The following PCDHA1 variants were observed in gnomAD, a reference collection of about 807,000 sequenced individuals.
PCDHA1 encodes the protein protocadherin alpha 1, also known as protocadherin alpha-1.
Under a neutral mutation model 61.3 loss-of-function variants are expected in PCDHA1, and 42 were observed. That is an observed-to-expected ratio of 0.69 (90% CI 0.54 to 0.89). PCDHA1 has a LOEUF of 0.89. Ranked by LOEUF, PCDHA1 falls within the 40% of genes least tolerant of loss-of-function variation. The probability of loss-of-function intolerance (pLI) is 0.00; values close to 1 mark genes in which losing one functional copy is unlikely to be tolerated. For synonymous variants in PCDHA1, 610 were observed against 553.8 expected, an observed-to-expected ratio of 1.10 and a Z score of -1.43; for missense variants, 1,256 against 1,235.3, an observed-to-expected ratio of 1.02 and a Z score of -0.25.
chr5:140,922,527 C>T (rs1436336713), intron 1 of PCDHA1, among the ~76,000 whole-genome samples: 2 of 152,130 alleles, frequency 1.3e-5, no homozygotes, highest in East Asian at 3.9e-4. Flanking sequence ...AAGATTGAAC[C>T]TAAGGATGTG....
rs1440193758 is a variant in PCDHA1 at position 140,844,281 on chromosome 5, T to C, written c.2394+55597T>C. ...AGTGATAAAATACAGAATGATAGTG[T>C]TTTTCAAAATTTGATAGTTTTCATA... On this transcript the variant is annotated intron_variant, in intron 1 of 3. Coordinates refer to ENST00000504120, the MANE Select transcript of PCDHA1 (RefSeq NM_018900.4). Among the ~76,000 whole-genome samples the C allele has an allele frequency of 1.3e-5, 2 of 149,114 alleles. 1 individual carries two copies. Among genetic ancestry groups the C allele is most frequent in the Non-Finnish European group, 3.0e-5 (2 of 66,432 alleles).
chr5:140,836,713 C>T, intron 1 of PCDHA1: 2 of 1,613,054 alleles, frequency 1.2e-6, no homozygotes, highest in Non-Finnish European at 1.7e-6. Flanking sequence ...CCCAGCCTTC[C>T]TCAGGGTCCA....
At position 140,896,169 on chromosome 5, in the gene PCDHA1, GT is replaced by G. The variant is rs1473218621; in HGVS notation, c.2395-82779del. Among the ~76,000 whole-genome samples, 40 of 152,274 alleles carry G rather than the reference GT, an allele frequency of 2.6e-4. 1 individual carries two copies. The East Asian group carries it at 5.2e-3, about 20-fold the overall frequency. ...TGATGGGCATTTAGGATTATTCTCT[GT>G]CTTTGCTATTGTGAATAGTGCCATG... is the stretch of plus-strand genomic sequence containing the variant. On this transcript the variant is annotated intron_variant, in intron 1 of 3. Transcript: ENST00000504120.
At chr5:140,866,711 G>A (rs1554160494) in intron 1 of PCDHA1, 1 of 152,110 alleles carries the variant, frequency 6.6e-6, no homozygotes, top group African/African-American at 2.4e-5. Flanking sequence ...ACGTGCACTA[G>A]TAAGACATTA....
chr5:140,821,080 G>A (rs1397994705), intron 1 of PCDHA1, among the ~76,000 whole-genome samples: 1 of 151,866 alleles, frequency 6.6e-6, no homozygotes, highest in South Asian at 2.1e-4. Context: ...AGTTGTTTTT[G>A]AAAATAACAT....
intron 1 of PCDHA1, chr5:140,860,192 C>CATATATAT (rs143984774): frequency 6.9e-4 from 101 of 146,860 alleles, no homozygotes; most frequent in African/African-American, 2.5e-3. Context: ...GCTCTCCTTA[C>CATATATAT]ATATATATCT....
Position 140,787,960 on chromosome 5 carries a change from A to G in PCDHA1, c.1670A>G (p.Asp557Gly), listed in dbSNP as rs1351384663. 1 of 1,613,818 alleles carries G rather than the reference A, an allele frequency of 6.2e-7. No individual in the cohort carries two copies. The highest frequency in any genetic ancestry group is 1.3e-5 in the African/African-American group (1 of 74,938). Residue 557 changes from aspartate (D) to glycine (G), a missense_variant, in exon 1 of 4, where the codon GAC (aspartate) becomes GGC (glycine). By Grantham distance (94) the Asp-to-Gly change is moderately conservative. Coordinates refer to ENST00000504120, the MANE Select transcript of PCDHA1 (RefSeq NM_018900.4). ...GTGACGCTGCAGGTGTTCGTGCTGG[A>G]CGAGAACGACAACGCGCCGGCGCTG... ...SNVTLQVFVL[D>G]ENDNAPALLA...
chr5:140,855,900 C>G, intron 1 of PCDHA1: 1 of 1,079,358 alleles, frequency 9.3e-7, no homozygotes, highest in Non-Finnish European at 1.3e-6. Flanking sequence ...AGGCATCAGC[C>G]AGTTTCTCAA....
At chr5:140,938,885 A>C (rs966791166) in intron 1 of PCDHA1, among the ~76,000 whole-genome samples, 9 of 152,144 alleles carry the variant, frequency 5.9e-5, no homozygotes, top group Non-Finnish European at 1.2e-4. Flanking sequence ...CAACACACAC[A>C]CACACAGATG....
chr5:140,831,837 T>C (rs1771726817), intron 1 of PCDHA1, among the ~76,000 whole-genome samples: 1 of 152,194 alleles, frequency 6.6e-6, no homozygotes, highest in Non-Finnish European at 1.5e-5. Flanking sequence ...GTTTCAATGA[T>C]AGAATTGTCA....
intron 1 of PCDHA1, chr5:140,808,238 G>C (rs1764130949): frequency 6.2e-7 from 1 of 1,614,228 alleles, no homozygotes; most frequent in Admixed American, 1.7e-5. Flanking sequence ...CCCAGATTTG[G>C]AATTCAAGTC....
chr5:140,995,383 G>A (rs909887279), intron 3 of PCDHA1, among the ~76,000 whole-genome samples: 2 of 152,158 alleles, frequency 1.3e-5, no homozygotes, highest in African/African-American at 4.8e-5. Flanking sequence ...TACTGGGCAG[G>A]ATAAAGCGGG....
chr5:140,806,159 T>TG (rs1763693591), intron 1 of PCDHA1, among the ~76,000 whole-genome samples: 1 of 152,142 alleles, frequency 6.6e-6, no homozygotes. Flanking sequence ...GGTTATAAAA[T>TG]GGGGTAAATT....
intron 1 of PCDHA1, among the ~76,000 whole-genome samples, chr5:140,959,594 A>G (rs1420498368): frequency 6.6e-6 from 1 of 152,220 alleles, no homozygotes; most frequent in African/African-American, 2.4e-5. Flanking sequence ...TCAGCCAAGT[A>G]TAACATGCTT....
intron 1 of PCDHA1, chr5:140,852,649 T>C (rs1206238129): frequency 3.1e-6 from 3 of 960,206 alleles, no homozygotes; most frequent in African/African-American, 3.6e-5. Context: ...TAAACCTATC[T>C]ATATCTGTCT....
At chr5:140,954,618 G>C (rs1312581802) in intron 1 of PCDHA1, among the ~76,000 whole-genome samples, 3 of 152,078 alleles carry the variant, frequency 2.0e-5, no homozygotes, top group Non-Finnish European at 2.9e-5. Flanking sequence ...TAATGGGCTT[G>C]TTTGGGTTTT....
At chr5:141,006,704 A>G (rs2098283751) in intron 3 of PCDHA1, among the ~76,000 whole-genome samples, 1 of 152,128 alleles carries the variant, frequency 6.6e-6, no homozygotes, top group Non-Finnish European at 1.5e-5. Context: ...GAGTCAAGAT[A>G]TATTTAGGAG....
intron 1 of PCDHA1, chr5:140,870,179 G>T (rs184228916): frequency 2.5e-6 from 4 of 1,613,986 alleles, no homozygotes; most frequent in African/African-American, 2.7e-5. Context: ...CTCCCAGTAC[G>T]AGAGGACGCT....
chr5:140,849,276 G>T, intron 1 of PCDHA1: 1 of 1,173,354 alleles, frequency 8.5e-7, no homozygotes, highest in Non-Finnish European at 1.2e-6. Flanking sequence ...CGGAACGCTG[G>T]TGATTCACCC....
Sources: gnomAD v4.1 joint callset for allele counts (sites outside exome capture counted in the v4.1 genomes callset) on GRCh38, gnomAD v4.1.1 for gene constraint, MANE v1.5 for transcripts, NCBI Gene and HGNC (gene_info 2026-07-23, HGNC 2026-07-21) for gene names.